Variants in CUBN observed in about 807,000 individuals in gnomAD.
The protein encoded by CUBN is cubilin, also known as 460 kDa receptor.
Under a neutral mutation model 405.3 loss-of-function variants are expected in CUBN, and 282 were observed. That is an observed-to-expected ratio of 0.70 (90% CI 0.63 to 0.77). The LOEUF (loss-of-function observed/expected upper bound fraction) is 0.77. CUBN is among the 30% of genes least tolerant of loss of function. CUBN has a pLI of 0.00. For missense variants in CUBN, 4,514 were observed against 4,475.2 expected, an observed-to-expected ratio of 1.01 and a Z score of -0.25; for synonymous variants, 1,684 against 1,617.0, an observed-to-expected ratio of 1.04 and a Z score of -0.99.
intron 17 of CUBN, among the ~76,000 whole-genome samples, chr10:17,079,911 C>T (rs2130807): frequency 0.35 from 53,902 of 151,952 alleles, 11,462 homozygotes; most frequent in East Asian, 0.55. Context: ...GCAGGAGATG[C>T]GGGAGGGCTG....
chr10:17,079,900 T>A (rs568487985), intron 17 of CUBN, among the ~76,000 whole-genome samples: 1 of 152,232 alleles, frequency 6.6e-6, no homozygotes, highest in African/African-American at 2.4e-5. Context: ...TCTAAAGACA[T>A]GCAGGAGATG....
chr10:16,875,391 G>T (rs748272863), intron 57 of CUBN, among the ~76,000 whole-genome samples: 1 of 152,184 alleles, frequency 6.6e-6, no homozygotes, highest in Non-Finnish European at 1.5e-5. Context: ...TTATAATGGG[G>T]TTAACGCATT....
In CUBN at chr10:16,992,910, C is replaced by T. The variant is rs151194647; in HGVS notation, c.4169-2395G>A. Among the ~76,000 whole-genome samples, 309 of 152,208 alleles carry T rather than the reference C, an allele frequency of 2.0e-3. 1 individual carries two copies. The highest frequency in any genetic ancestry group is 4.7e-3 in the African/African-American group (196 of 41,530). On this transcript the variant is annotated intron_variant, in intron 28 of 66. Coordinates refer to ENST00000377833, the MANE Select transcript of CUBN (RefSeq NM_001081.4). Reference sequence around the variant, plus strand: ...CGTAAAAGATGAGAAAATATTTGTCCGACTACAACAACACATGGCAAATAT... The same window carrying T: ...CGTAAAAGATGAGAAAATATTTGTCTGACTACAACAACACATGGCAAATAT...
intron 40 of CUBN, among the ~76,000 whole-genome samples, chr10:16,931,901 C>A (rs1364735167): frequency 6.6e-6 from 1 of 152,032 alleles, no homozygotes; most frequent in Non-Finnish European, 1.5e-5. Context: ...AGATTTTTTT[C>A]AAAGATATTT....
At chr10:16,971,097 T>C (rs1002705455) in intron 31 of CUBN, among the ~76,000 whole-genome samples, 1 of 152,186 alleles carries the variant, frequency 6.6e-6, no homozygotes, top group Non-Finnish European at 1.5e-5. Context: ...ACACTTGAAC[T>C]CTGTTAAAAA....
rs1410019355 is a variant in CUBN, at chr10:17,102,608, T to TA, written c.1530+516_1530+517insT. Among the ~76,000 whole-genome samples the TA allele has an allele frequency of 3.1e-4, 44 of 140,356 alleles. 2 individuals carry two copies. The highest frequency in any genetic ancestry group is 1.0e-3 in the East Asian group (5 of 4,990). 92.1% of individuals were successfully genotyped at this position (140,356 alleles called of 152,430 possible). A position where few individuals can be genotyped will look rare whatever the true frequency, so the allele number is the denominator to read the frequency against. ...GGCCTTGTTACTCTTTTTTTTTTTT[T>TA]TTTTTTTTTTTTTTGTGAGATGGAG... is the stretch of plus-strand genomic sequence containing the variant. On this transcript the variant is annotated intron_variant, in intron 13 of 66. Transcript: ENST00000377833.
At chr10:17,051,705 G>C (rs1835271735) in intron 22 of CUBN, among the ~76,000 whole-genome samples, 1 of 151,432 alleles carries the variant, frequency 6.6e-6, no homozygotes, top group Non-Finnish European at 1.5e-5. Flanking sequence ...AAGAAAAAAA[G>C]GTCAGTAAAC....
chr10:16,829,156 G>A, intron 65 of CUBN, 116 bp from the exon 66 acceptor site: 1 of 774,458 alleles, frequency 1.3e-6, no homozygotes, highest in South Asian at 1.5e-5. Context: ...AAGAATAATG[G>A]AGGCAGAAAT....
intron 9 of CUBN, 28 bp downstream of exon 9, chr10:17,110,891 G>A: frequency 6.2e-7 from 1 of 1,614,184 alleles, no homozygotes; most frequent in Non-Finnish European, 8.5e-7. Flanking sequence ...GCTGGGGTCA[G>A]GAGGTTGACA....
intron 59 of CUBN, among the ~76,000 whole-genome samples, chr10:16,860,545 C>T (rs1839984922): frequency 6.6e-6 from 1 of 152,204 alleles, no homozygotes; most frequent in Non-Finnish European, 1.5e-5. Context: ...TATCTGACTA[C>T]CTACTGATCA....
intron 48 of CUBN, among the ~76,000 whole-genome samples, chr10:16,908,923 G>A (rs368035474): frequency 6.9e-6 from 1 of 144,424 alleles, no homozygotes; most frequent in South Asian, 2.2e-4. Context: ...TCGCCCAGGC[G>A]GGACTGCGGA....
chr10:16,843,324 A>T (rs886707416), intron 60 of CUBN, among the ~76,000 whole-genome samples: 1 of 152,222 alleles, frequency 6.6e-6, no homozygotes, highest in Non-Finnish European at 1.5e-5. Context: ...CAAATATTCA[A>T]TTCATAACAG....
chr10:17,015,150 T>C (rs1834293101), intron 28 of CUBN, among the ~76,000 whole-genome samples: 1 of 152,218 alleles, frequency 6.6e-6, no homozygotes, highest in South Asian at 2.1e-4. Flanking sequence ...TGTTTAACAA[T>C]ATCCTGTAAT....
chr10:16,919,240 G>C (rs1283902201), intron 44 of CUBN, among the ~76,000 whole-genome samples: 1 of 152,158 alleles, frequency 6.6e-6, no homozygotes, highest in East Asian at 1.9e-4. Flanking sequence ...GTCCATAAAA[G>C]TAGATAAGCA....
In CUBN at chr10:17,049,050, G is replaced by T. The variant is rs1283713245; in HGVS notation, c.3140-1447C>A. Among the ~76,000 whole-genome samples, 4 of 152,164 alleles carry T rather than the reference G, an allele frequency of 2.6e-5. 1 individual carries two copies. The highest frequency in any genetic ancestry group is 3.8e-4 in the East Asian group (2 of 5,200). Reference sequence around the variant, plus strand: ...CCAAAGATTATGTTTAACTCCAAAAGTATAGAAAAGTATGCTTCTCTGTAG... The same window carrying T: ...CCAAAGATTATGTTTAACTCCAAAATTATAGAAAAGTATGCTTCTCTGTAG... On this transcript the variant is annotated intron_variant, in intron 22 of 66. Coordinates refer to ENST00000377833, the MANE Select transcript of CUBN (RefSeq NM_001081.4).
intron 29 of CUBN, 42 bp downstream of exon 29, chr10:16,990,292 C>T (rs749704152): frequency 1.3e-6 from 2 of 1,598,150 alleles, no homozygotes; most frequent in Admixed American, 1.7e-5. Flanking sequence ...CTGTTCTACC[C>T]CAAACTTTGG....
chr10:17,050,290 CA>C (rs2131825466), intron 22 of CUBN, among the ~76,000 whole-genome samples: 1 of 152,178 alleles, frequency 6.6e-6, no homozygotes, highest in East Asian at 1.9e-4. Flanking sequence ...GGACAATCTG[CA>C]GTACAAGATT....
intron 66 of CUBN, 68 bp downstream of exon 66, chr10:16,828,737 T>C (rs1588563590): frequency 8.2e-7 from 1 of 1,226,828 alleles, no homozygotes; most frequent in Non-Finnish European, 1.2e-6. Context: ...AAAAAAAAAG[T>C]CTACACTAAG....
In CUBN at chr10:16,945,663, G is replaced by A. The variant is rs1485179427; in HGVS notation, c.5342+1572C>T. On this transcript the variant is annotated intron_variant, in intron 36 of 66. Coordinates refer to ENST00000377833, the MANE Select transcript of CUBN (RefSeq NM_001081.4). ...TGTGCCTGTAATCCTAGCTACTCAG[G>A]AGGCTGAGGCAGGAGAATAGCTTAA... is the stretch of plus-strand genomic sequence containing the variant. Among the ~76,000 whole-genome samples the A allele has an allele frequency of 2.0e-5, 3 of 151,530 alleles. No homozygotes were observed. The East Asian group carries it at 5.8e-4, about 29-fold the overall frequency.
Sources: allele counts gnomAD v4.1 joint callset (sites outside exome capture counted in the v4.1 genomes callset), GRCh38; gene constraint gnomAD v4.1.1; transcripts MANE v1.5; gene names NCBI Gene and HGNC (gene_info 2026-07-23, HGNC 2026-07-21).